Variants in FNBP1L observed in about 807,000 individuals in gnomAD.
FNBP1L encodes formin binding protein 1 like.
Under a neutral mutation model 91.2 loss-of-function variants are expected in FNBP1L, and 36 were observed. That is an observed-to-expected ratio of 0.39 (90% confidence interval 0.30 to 0.52). FNBP1L has a LOEUF of 0.52. Ranked by LOEUF, FNBP1L falls within the 20% of genes least tolerant of loss-of-function variation. FNBP1L has a pLI of 0.66. For synonymous variants in FNBP1L, 242 were observed against 237.0 expected (o/e 1.02, Z -0.19); for missense variants, 571 against 732.1 (o/e 0.78, Z 2.54).
intron 1 of FNBP1L, among the ~76,000 whole-genome samples, chr1:93,481,760 TATCA>T (rs1669712723): frequency 6.6e-6 from 1 of 152,234 alleles, no homozygotes; most frequent in African/African-American, 2.4e-5. Context: ...TGGTCATTCT[TATCA>T]ATCCTTTTTG....
chr1:93,549,522 T>A, intron 15 of FNBP1L, 96 bp downstream of exon 15: 7 of 951,790 alleles, frequency 7.4e-6, no homozygotes, highest in Non-Finnish European at 1.0e-5. Flanking sequence ...TTAAGTAATA[T>A]ATGTTGTCAG....
intron 15 of FNBP1L, 139 bp downstream of exon 15, chr1:93,549,565 C>G: frequency 1.5e-6 from 1 of 670,234 alleles, no homozygotes; most frequent in Non-Finnish European, 2.3e-6. Context: ...AGTATGCATA[C>G]TTTTGTTATA....
At chr1:93,476,201 T>G (rs1303141576) in intron 1 of FNBP1L, among the ~76,000 whole-genome samples, 1 of 152,224 alleles carries the variant, frequency 6.6e-6, no homozygotes, top group Non-Finnish European at 1.5e-5. Context: ...GATTCTATGT[T>G]CAATTAAAGT....
chr1:93,503,609 A>G (rs1670508584), intron 2 of FNBP1L, among the ~76,000 whole-genome samples: 1 of 152,086 alleles, frequency 6.6e-6, no homozygotes, highest in African/African-American at 2.4e-5. Context: ...TTTTGGTTTG[A>G]GGATGGGAAT....
intron 7 of FNBP1L, among the ~76,000 whole-genome samples, chr1:93,532,469 C>CAAAAAAAA (rs35188106): frequency 1.6e-5 from 1 of 62,610 alleles, no homozygotes; most frequent in Non-Finnish European, 2.8e-5. Flanking sequence ...GACTCCGCCT[C>CAAAAAAAA]AAAAAAAAAA....
At chr1:93,511,890 C>T (rs1474186059) in intron 2 of FNBP1L, among the ~76,000 whole-genome samples, 27 of 147,350 alleles carry the variant, frequency 1.8e-4, no homozygotes, top group Admixed American at 3.4e-4. Context: ...GGCGTGAACC[C>T]GGGAGGCGGA....
intron 10 of FNBP1L, 121 bp from the exon 11 acceptor site, chr1:93,540,921 A>T: frequency 1.4e-6 from 1 of 716,662 alleles, no homozygotes. Context: ...AATTGTTTGG[A>T]TTGTGAAATG....
chr1:93,503,260 T>C (rs2101728428), intron 2 of FNBP1L, among the ~76,000 whole-genome samples: 1 of 152,216 alleles, frequency 6.6e-6, no homozygotes, highest in Middle Eastern at 3.4e-3. Context: ...GGAATCCCAC[T>C]GTAAAACCAT....
At chr1:93,493,491 T>C (rs1570800346) in intron 1 of FNBP1L, among the ~76,000 whole-genome samples, 1 of 152,220 alleles carries the variant, frequency 6.6e-6, no homozygotes, top group Non-Finnish European at 1.5e-5. Context: ...GATCTTCATC[T>C]TGCAACTCTA....
At chr1:93,465,378 G>A (rs921116440) in intron 1 of FNBP1L, among the ~76,000 whole-genome samples, 4 of 144,972 alleles carry the variant, frequency 2.8e-5, no homozygotes, top group Admixed American at 6.9e-5. Flanking sequence ...AACAGGCCGC[G>A]GTGTGTGATG....
intron 1 of FNBP1L, among the ~76,000 whole-genome samples, chr1:93,486,301 T>TA (rs1334878061): frequency 6.6e-6 from 1 of 152,160 alleles, no homozygotes; most frequent in East Asian, 1.9e-4. Context: ...ATTTTGGAAT[T>TA]AAAAAAAATC....
rs370710729 is a variant in FNBP1L at position 93,477,298 on chromosome 1, C to T, written c.25-22170C>T. On this transcript the variant is annotated intron_variant, in intron 1 of 16. Transcript: ENST00000271234. ...GTATCCTGTGTGAATAAATGAAAAA[C>T]GAATGAATGAGCTGAGACACATGTA... is the stretch of plus-strand genomic sequence containing the variant. 9.9e-5 allele frequency among the ~76,000 whole-genome samples: 15 copies of T among 152,204 alleles called. No individual in the cohort carries two copies. The East Asian group carries it at 1.5e-3, about 16-fold the overall frequency.
rs1342365322 is a variant in FNBP1L at position 93,534,819 on chromosome 1, G to A, written c.901G>A (p.Ala301Thr). ...AACCATTTCTGATGGGACTATCAGT[G>A]CATCCAAACAGGAGAGTGGGAAGAT... Reference protein sequence around the residue: ...YRTISDGTISASKQESGKMDA... With the variant: ...YRTISDGTISTSKQESGKMDA... The change falls in exon 9 of 17, where the codon GCA becomes ACA. Residue 301 changes from alanine to threonine, a missense_variant. By Grantham distance (58) the Ala-to-Thr change is moderately conservative. Around this residue, in one of 5 missense-constraint regions of FNBP1L, gnomAD observed 150 missense variants for 155.9 expected, o/e 0.96. Transcript: ENST00000271234. 3.8e-6 allele frequency: 6 copies of A among 1,576,266 alleles called. No homozygotes were observed. The highest frequency in any genetic ancestry group is 3.4e-6 in the Non-Finnish European group (4 of 1,159,554).
chr1:93,463,209 G>A (rs1486791538), intron 1 of FNBP1L, among the ~76,000 whole-genome samples: 3 of 152,052 alleles, frequency 2.0e-5, no homozygotes, highest in Non-Finnish European at 4.4e-5. Context: ...ATGTGATCCA[G>A]GCTCATTTTG....
intron 6 of FNBP1L, among the ~76,000 whole-genome samples, chr1:93,530,226 A>G (rs999178671): frequency 6.6e-6 from 1 of 152,164 alleles, no homozygotes; most frequent in East Asian, 1.9e-4. Context: ...GGTTCTACAC[A>G]TTGGTGGAAA....
rs1049752464 is a variant in FNBP1L at position 93,528,917 on chromosome 1, A to C, written c.406-735A>C. Reference sequence around the variant, plus strand: ...AGAATATCAAAAAATTATGTAGGAAAGAAAATGTAATATGACATATATTTT... The same window carrying C: ...AGAATATCAAAAAATTATGTAGGAACGAAAATGTAATATGACATATATTTT... On this transcript the variant is annotated intron_variant, in intron 5 of 16. Transcript: ENST00000271234. Among the ~76,000 whole-genome samples, 8 of 152,306 alleles carry C rather than the reference A, an allele frequency of 5.3e-5. 1 individual carries two copies. The highest frequency in any genetic ancestry group is 4.6e-4 in the Admixed American group (7 of 15,294).
chr1:93,517,939 A>G (rs995711675), intron 2 of FNBP1L, among the ~76,000 whole-genome samples: 2 of 152,190 alleles, frequency 1.3e-5, no homozygotes. Context: ...AAGTCAGGCT[A>G]ATAATATCTG....
At chr1:93,499,655 A>G (rs1670380483) in intron 2 of FNBP1L, 72 bp downstream of exon 2, 2 of 856,482 alleles carry the variant, frequency 2.3e-6, no homozygotes, top group Admixed American at 2.8e-5. Context: ...GAGGAATGTG[A>G]TAGTCCAGAG....
intron 1 of FNBP1L, among the ~76,000 whole-genome samples, chr1:93,481,530 A>G (rs973710091): frequency 1.3e-4 from 20 of 152,192 alleles, no homozygotes; most frequent in African/African-American, 4.8e-4. Flanking sequence ...CATCTTAACT[A>G]GTTTATCAAG....
Sources: gnomAD v4.1 joint callset for allele counts (sites outside exome capture counted in the v4.1 genomes callset) on GRCh38, gnomAD v4.1.1 for gene constraint, gnomAD v4.1.1 regional missense constraint, MANE v1.5 for transcripts, NCBI Gene and HGNC (gene_info 2026-07-23, HGNC 2026-07-21) for gene names.